The following ZNF112 variants were observed in gnomAD, a reference collection of about 807,000 sequenced individuals.
ZNF112 encodes the protein zinc finger protein 112 (Y14).
Under a neutral mutation model 77.7 loss-of-function variants are expected in ZNF112, and 37 were observed. The observed-to-expected ratio is 0.48, with a 90% CI of 0.37 to 0.63. The LOEUF is 0.63. Ranked by LOEUF, ZNF112 falls within the 20% of genes least tolerant of loss-of-function variation. The probability of loss-of-function intolerance (pLI) is 0.00; values close to 1 mark genes in which losing one functional copy is unlikely to be tolerated. For synonymous variants in ZNF112, 333 were observed against 363.6 expected, an observed-to-expected ratio of 0.92 and a Z score of 0.96; for missense variants, 950 against 1,077.4, an observed-to-expected ratio of 0.88 and a Z score of 1.66.
chr19:44,364,755 C>T (rs1970886573), intron 1 of ZNF112, among the ~76,000 whole-genome samples: 1 of 152,104 alleles, frequency 6.6e-6, no homozygotes, highest in Non-Finnish European at 1.5e-5. Flanking sequence ...TTGAATTATA[C>T]AGGGTGATAT....
intron 1 of ZNF112, among the ~76,000 whole-genome samples, chr19:44,348,567 A>G (rs1016649273): frequency 2.0e-5 from 3 of 152,138 alleles, no homozygotes; most frequent in African/African-American, 2.4e-5. Flanking sequence ...TTCTCTAACT[A>G]TAACAGATTT....
intron 1 of ZNF112, among the ~76,000 whole-genome samples, chr19:44,343,018 T>C (rs775719163): frequency 1.1e-4 from 16 of 152,056 alleles, no homozygotes; most frequent in Non-Finnish European, 1.8e-4. Context: ...AGGTGTAGGA[T>C]TTTAAAATTT....
At chr19:44,332,816 G>GA (rs1236378778) in intron 3 of ZNF112, among the ~76,000 whole-genome samples, 2 of 151,618 alleles carry the variant, frequency 1.3e-5, no homozygotes, top group East Asian at 1.9e-4. Context: ...CATAGAGGAA[G>GA]AAAAAAAATA....
chr19:44,329,781 G>A lies in ZNF112; in HGVS notation c.376C>T (p.Gln126Ter). Residue 126 changes from glutamine (Q) to a stop codon, truncating the protein, a stop_gained, in exon 4 of 4, where the codon CAG becomes TAG. Coordinates refer to ENST00000354340, the MANE Select transcript of ZNF112 (RefSeq NM_013380.4). LOFTEE classifies it high-confidence loss of function. ...FLKVFQGKNS[Q>*]LQEQGNSLGQ... ...AGGGAATTACCTTGTTCTTGCAACT[G>A]AGAATTCTTCCCTTGAAAAACTTTC... is the stretch of plus-strand genomic sequence containing the variant. 1.9e-6 allele frequency: 3 copies of A among 1,614,016 alleles called. No individual in the cohort carries two copies. Among genetic ancestry groups the A allele is most frequent in the Non-Finnish European group, 2.5e-6 (3 of 1,180,010 alleles).
At chr19:44,339,773 T>A (rs1237838475) in intron 2 of ZNF112, among the ~76,000 whole-genome samples, 1 of 152,140 alleles carries the variant, frequency 6.6e-6, no homozygotes, top group Non-Finnish European at 1.5e-5. Flanking sequence ...TCTTGGGGAC[T>A]CCTAATCTTG....
intron 1 of ZNF112, among the ~76,000 whole-genome samples, chr19:44,346,022 A>G (rs1970582610): frequency 6.6e-6 from 1 of 152,248 alleles, no homozygotes; most frequent in South Asian, 2.1e-4. Flanking sequence ...AACAAGCCAC[A>G]GGCAATTTGC....
intron 1 of ZNF112, among the ~76,000 whole-genome samples, chr19:44,366,125 G>A (rs1026087459): frequency 2.0e-5 from 3 of 152,146 alleles, no homozygotes; most frequent in Admixed American, 1.3e-4. Flanking sequence ...AGAGGCAGGA[G>A]GATAGCTTGT....
intron 1 of ZNF112, among the ~76,000 whole-genome samples, chr19:44,347,037 C>T (rs1302269750): frequency 6.6e-6 from 1 of 152,160 alleles, no homozygotes; most frequent in African/African-American, 2.4e-5. Context: ...GAGATTTCTA[C>T]ATAGAACTGT....
chr19:44,335,343 C>T (rs1461334481), intron 3 of ZNF112, among the ~76,000 whole-genome samples: 1 of 152,112 alleles, frequency 6.6e-6, no homozygotes, highest in Non-Finnish European at 1.5e-5. Context: ...TATTATGCAT[C>T]CATTACAAAA....
chr19:44,358,666 A>T (rs148426571), upstream of ZNF112, among the ~76,000 whole-genome samples: 1,039 of 152,376 alleles, frequency 6.8e-3, 27 homozygotes, highest in Admixed American at 0.051. Context: ...ACAAATTAGC[A>T]AAATGATACG....
In ZNF112 at chr19:44,329,504, T is replaced by G; in HGVS notation, c.653A>C (p.Glu218Ala). Residue 218 changes from glutamate to alanine, a missense_variant, in exon 4 of 4, where the codon GAA (glutamate) becomes GCA (alanine). By Grantham distance (107) the Glu-to-Ala change is moderately radical. Transcript: ENST00000354340. ...GCTGTAGTTTTCTTTTCTGTGTACT[T>G]CCAGTTTATCATTGTGATGTGAGAG... ...SWLSHHNDKLEVHRKENYSCH... is the reference protein window; with the variant it reads ...SWLSHHNDKLAVHRKENYSCH... 1.2e-6 allele frequency: 2 copies of G among 1,614,132 alleles called. No homozygotes were observed. The highest frequency in any genetic ancestry group is 1.7e-6 in the Non-Finnish European group (2 of 1,180,004).
intron 1 of ZNF112, among the ~76,000 whole-genome samples, chr19:44,346,226 C>T (rs1351495836): frequency 1.3e-5 from 2 of 152,216 alleles, no homozygotes; most frequent in African/African-American, 4.8e-5. Flanking sequence ...CCTGACTCTA[C>T]CACTTACTGG....
At chr19:44,346,620 A>T (rs928089116) in intron 1 of ZNF112, among the ~76,000 whole-genome samples, 1 of 152,158 alleles carries the variant, frequency 6.6e-6, no homozygotes, top group African/African-American at 2.4e-5. Flanking sequence ...TCCCACATCT[A>T]TTTTCAGAAA....
chr19:44,329,463 C>T lies in ZNF112; in HGVS notation c.694G>A (p.Glu232Lys). The T allele has an allele frequency of 6.2e-7, 1 of 1,614,108 alleles. No individual in the cohort carries two copies. Among genetic ancestry groups the T allele is most frequent in the East Asian group, 2.2e-5 (1 of 44,866 alleles). ...AGTAATGATACCTTCATGATATCTT[C>T]TCCACAGTCATGGCAGCTGTAGTTT... ...KENYSCHDCG[E>K]DIMKVSLLNQ... Residue 232 changes from glutamate (E) to lysine (K), a missense_variant, in exon 4 of 4, where the codon GAA becomes AAA. Transcript: ENST00000354340.
intron 1 of ZNF112, among the ~76,000 whole-genome samples, chr19:44,364,246 T>C (rs1361396874): frequency 1.3e-5 from 2 of 152,148 alleles, no homozygotes; most frequent in African/African-American, 4.8e-5. Context: ...ATTCTGGTGA[T>C]CTTGTAGTTG....
chr19:44,342,995 A>T (rs143642496), intron 1 of ZNF112, among the ~76,000 whole-genome samples: 3 of 152,296 alleles, frequency 2.0e-5, no homozygotes, highest in Non-Finnish European at 4.4e-5. Flanking sequence ...ACAGATTTGT[A>T]AGCAGGGTAA....
At chr19:44,367,043 A>G (rs1184118183) in intron 1 of ZNF112, 3 of 455,392 alleles carry the variant, frequency 6.6e-6, no homozygotes, top group Non-Finnish European at 1.3e-5. Flanking sequence ...TCAACCCGCC[A>G]AGACCAAATG....
chr19:44,329,367 C>A lies in ZNF112; in HGVS notation c.790G>T (p.Asp264Tyr), dbSNP rs752014808. Residue 264 changes from aspartate (D) to tyrosine (Y), a missense_variant, in exon 4 of 4, where the codon GAC becomes TAC. Physicochemically the swap from Asp to Tyr is radical, Grantham distance 160. Transcript: ENST00000354340. ...TGCTGATGAACCTCAGAGCTGGAGT[C>A]ATTACTGAAGGCTTTTCTATACCCA... ...CTGYRKAFSN[D>Y]SSSEVHQQFH... The A allele has an allele frequency of 1.1e-5, 17 of 1,613,692 alleles. No individual in the cohort carries two copies. Among genetic ancestry groups the A allele is most frequent in the Non-Finnish European group, 1.3e-5 (15 of 1,179,804 alleles).
In ZNF112 at chr19:44,327,280, G is replaced by T; in HGVS notation, c.*153C>A. 1 of 621,806 alleles carries T rather than the reference G, an allele frequency of 1.6e-6. No homozygotes were observed. Among genetic ancestry groups the T allele is most frequent in the Non-Finnish European group, 2.7e-6 (1 of 367,236 alleles). The allele number at this position is 621,806 out of a possible 1,614,324, so 38.5% of individuals were successfully genotyped here. ...TTAAAGTTCTAACAAAATCCCTCGT[G>T]AAACCCCTCTCATTAAATGTCTCTG... On this transcript the variant is annotated 3_prime_UTR_variant, in exon 4 of 4. Coordinates refer to ENST00000354340, the MANE Select transcript of ZNF112 (RefSeq NM_013380.4).
Sources: gnomAD v4.1 joint callset for allele counts (sites outside exome capture counted in the v4.1 genomes callset) on GRCh38, gnomAD v4.1.1 for gene constraint, MANE v1.5 for transcripts, NCBI Gene and HGNC (gene_info 2026-07-23, HGNC 2026-07-21) for gene names.